KCNQ3: variants seen among roughly 807,000 people sequenced by gnomAD.
The protein encoded by KCNQ3 is potassium voltage-gated channel subfamily KQT member 3.
KCNQ3 carries 30 observed loss-of-function variants against 92.5 expected under a neutral mutation model. That is an observed-to-expected ratio of 0.32 (90% CI 0.24 to 0.44). The LOEUF (loss-of-function observed/expected upper bound fraction) is 0.44. Ranked by LOEUF, KCNQ3 falls within the 20% of genes least tolerant of loss-of-function variation. KCNQ3 has a pLI of 1.00. For missense variants in KCNQ3, 913 were observed against 1,140.3 expected (o/e 0.80, Z 2.87); for synonymous variants, 450 against 468.8 (o/e 0.96, Z 0.52).
At chr8:132,321,810 T>G (rs1458716099) in intron 1 of KCNQ3, among the ~76,000 whole-genome samples, 2 of 152,154 alleles carry the variant, frequency 1.3e-5, no homozygotes, top group African/African-American at 2.4e-5. Context: ...TCTACACCAG[T>G]GCACCTGGTG....
chr8:132,207,830 A>G (rs1032439039), intron 1 of KCNQ3, among the ~76,000 whole-genome samples: 4 of 151,492 alleles, frequency 2.6e-5, no homozygotes, highest in African/African-American at 9.7e-5. Flanking sequence ...TGACACAAAC[A>G]TGGATTATTC....
rs35230760 is a variant in KCNQ3, at chr8:132,128,507, ATGTGTGTGTGTGTGTGTGTGTGTGTG to A, written c.*729_*754del. On this transcript the variant is annotated 3_prime_UTR_variant, in exon 15 of 15. Coordinates refer to ENST00000388996, the MANE Select transcript of KCNQ3 (RefSeq NM_004519.4). ...ATTGGAAACTATTTTAACTTTGTGT[ATGTGTGTGTGTGTGTGTGTGTGTGTG>A]TGTGTGTGTGTGTTTTCTCCCTGCC... 1 of 145,188 alleles carries A rather than the reference ATGTGTGTGTGTGTGTGTGTGTGTGTG, an allele frequency of 6.9e-6. No homozygotes were observed. Among genetic ancestry groups the A allele is most frequent in the South Asian group, 2.2e-4 (1 of 4,464 alleles). 9.0% of individuals were successfully genotyped at this position (145,188 alleles called of 1,614,324 possible).
intron 1 of KCNQ3, among the ~76,000 whole-genome samples, chr8:132,404,210 G>A (rs1488820541): frequency 6.6e-6 from 1 of 152,162 alleles, no homozygotes; most frequent in African/African-American, 2.4e-5. Context: ...ATGGAAAGAA[G>A]CATCACCTAC....
intron 1 of KCNQ3, among the ~76,000 whole-genome samples, chr8:132,393,140 C>T (rs1820093719): frequency 6.6e-6 from 1 of 152,192 alleles, no homozygotes; most frequent in African/African-American, 2.4e-5. Context: ...ACAGGCAGAG[C>T]TCTGTTTAAA....
At chr8:132,449,274 T>C (rs1349697027) in intron 1 of KCNQ3, among the ~76,000 whole-genome samples, 2 of 152,142 alleles carry the variant, frequency 1.3e-5, no homozygotes, top group Non-Finnish European at 2.9e-5. Flanking sequence ...CTCCAGCCAA[T>C]GGCAGAGTCA....
At chr8:132,420,078 G>A (rs936057087) in intron 1 of KCNQ3, among the ~76,000 whole-genome samples, 1 of 152,106 alleles carries the variant, frequency 6.6e-6, no homozygotes, top group Non-Finnish European at 1.5e-5. Flanking sequence ...TTCTGGTCAG[G>A]GCCCTCTTCT....
rs1332414085 is a variant in KCNQ3, at chr8:132,180,328, G to A, written c.606C>T (p.Asp202=). Residue 202 remains aspartate, a splice_region_variant and synonymous_variant, in exon 4 of 15, where the codon GAC becomes GAT. Coordinates refer to ENST00000388996, the MANE Select transcript of KCNQ3 (RefSeq NM_004519.4). ...GCACAGAGGCAATCAGCACAAAGAT[G>A]TCTGGGAGAGAGGACAGACAGAGTG... ...KFARKPLCML[D]IFVLIASVPV... 6.2e-7 allele frequency: 1 copy of A among 1,613,868 alleles called. No homozygotes were observed. The highest frequency in any genetic ancestry group is 1.3e-5 in the African/African-American group (1 of 74,952).
chr8:132,141,816 A>G (rs1825306025), intron 9 of KCNQ3, among the ~76,000 whole-genome samples: 1 of 152,202 alleles, frequency 6.6e-6, no homozygotes, highest in Non-Finnish European at 1.5e-5. Context: ...GTCCACAAAC[A>G]GACCCTCATG....
chr8:132,328,382 C>T (rs1049799726), intron 1 of KCNQ3, among the ~76,000 whole-genome samples: 4 of 152,148 alleles, frequency 2.6e-5, no homozygotes, highest in African/African-American at 9.7e-5. Flanking sequence ...CCAAATCCTT[C>T]ACCTTCGGCA....
intron 1 of KCNQ3, among the ~76,000 whole-genome samples, chr8:132,456,803 G>A (rs1563918589): frequency 1.3e-5 from 2 of 152,060 alleles, no homozygotes; most frequent in Non-Finnish European, 2.9e-5. Flanking sequence ...TAATAGAGAC[G>A]GGGTTTCATC....
chr8:132,191,430 T>A (rs920511930), intron 1 of KCNQ3, among the ~76,000 whole-genome samples: 14 of 151,930 alleles, frequency 9.2e-5, no homozygotes, highest in African/African-American at 7.3e-5. Flanking sequence ...AGTATGGAGA[T>A]CAGAGACATG....
At chr8:132,260,331 C>A (rs139392966) in intron 1 of KCNQ3, among the ~76,000 whole-genome samples, 1 of 152,144 alleles carries the variant, frequency 6.6e-6, no homozygotes, top group Non-Finnish European at 1.5e-5. Flanking sequence ...TGTATTCATT[C>A]ACCTAACAAT....
intron 1 of KCNQ3, among the ~76,000 whole-genome samples, chr8:132,345,595 C>T (rs572803200): frequency 6.6e-6 from 1 of 152,328 alleles, no homozygotes; most frequent in Admixed American, 6.5e-5. Context: ...AGGAAGGCAA[C>T]ATCTGGTTTG....
intron 1 of KCNQ3, among the ~76,000 whole-genome samples, chr8:132,238,086 A>G (rs1814873516): frequency 6.6e-6 from 1 of 152,216 alleles, no homozygotes; most frequent in Non-Finnish European, 1.5e-5. Context: ...GGTAACCACC[A>G]AACTTCACAC....
At chr8:132,264,402 C>G (rs1206734258) in intron 1 of KCNQ3, among the ~76,000 whole-genome samples, 1 of 152,186 alleles carries the variant, frequency 6.6e-6, no homozygotes, top group Non-Finnish European at 1.5e-5. Context: ...TCTCCCCAAA[C>G]CCTCCTGGCC....
At chr8:132,160,963 G>A (rs957101691) in intron 9 of KCNQ3, among the ~76,000 whole-genome samples, 28 of 152,056 alleles carry the variant, frequency 1.8e-4, no homozygotes, top group Non-Finnish European at 5.9e-5. Flanking sequence ...GGATGGGAGG[G>A]TGTCAGCTGC....
intron 1 of KCNQ3, among the ~76,000 whole-genome samples, chr8:132,192,173 G>A (rs1827180364): frequency 6.6e-6 from 1 of 152,210 alleles, no homozygotes; most frequent in South Asian, 2.1e-4. Flanking sequence ...TCCGCAGGGA[G>A]CCTGCGGAGC....
chr8:132,254,336 A>G (rs1815510511), intron 1 of KCNQ3, among the ~76,000 whole-genome samples: 1 of 152,224 alleles, frequency 6.6e-6, no homozygotes, highest in Admixed American at 6.5e-5. Flanking sequence ...GGGGACTTTA[A>G]GAAACATTAA....
At chr8:132,400,013 G>C (rs1046849041) in intron 1 of KCNQ3, among the ~76,000 whole-genome samples, 27 of 152,178 alleles carry the variant, frequency 1.8e-4, no homozygotes, top group African/African-American at 6.5e-4. Context: ...ACAAGGAAGG[G>C]GTAGGTGCAG....
Sources: allele counts gnomAD v4.1 joint callset (sites outside exome capture counted in the v4.1 genomes callset), GRCh38; gene constraint gnomAD v4.1.1; transcripts MANE v1.5; gene names NCBI Gene and HGNC (gene_info 2026-07-23, HGNC 2026-07-21).